The following PDXDC1 variants were observed in gnomAD, a reference collection of about 807,000 sequenced individuals.
PDXDC1 encodes pyridoxal dependent decarboxylase domain containing 1, also known as pyridoxal-dependent decarboxylase domain-containing protein 1.
In PDXDC1, 42 loss-of-function variants were observed where a neutral mutation model predicts 100.1. The observed-to-expected ratio is 0.42, with a 90% CI of 0.33 to 0.54. PDXDC1 has a LOEUF of 0.54. Ranked by LOEUF, PDXDC1 falls within the 20% of genes least tolerant of loss-of-function variation. The pLI is 0.10. For synonymous variants in PDXDC1, 260 were observed against 371.7 expected (o/e 0.70, Z 3.46); for missense variants, 636 against 979.2 (o/e 0.65, Z 4.68).
intron 1 of PDXDC1, among the ~76,000 whole-genome samples, chr16:14,981,215 T>C (rs1215006532): frequency 2.0e-5 from 3 of 152,294 alleles, no homozygotes; most frequent in African/African-American, 7.2e-5. Context: ...ACTTTACGAG[T>C]GTGCCTCATA....
At chr16:15,074,747 T>G in intron 16 of PDXDC1, 1 of 1,613,942 alleles carries the variant, frequency 6.2e-7, no homozygotes, top group Non-Finnish European at 8.5e-7. Context: ...ACATCCTTCA[T>G]GTAGGACAAA....
Position 15,110,591 on chromosome 16 carries a change from A to G in PDXDC1, c.1400-28288A>G, listed in dbSNP as rs2047004829. The G allele has an allele frequency of 1.3e-5, 20 of 1,584,054 alleles. 1 individual carries two copies. The highest frequency in any genetic ancestry group is 7.8e-5 in the South Asian group (7 of 90,246). On this transcript the variant is annotated intron_variant, in intron 16 of 16. Coordinates refer to the PDXDC1 transcript ENST00000535621. ...GGAAGAAACTCTTTTCTTTGTGTGCATACAAATGGACTTCAGCCCTTGGTG... is the reference window on the plus strand; with the variant it reads ...GGAAGAAACTCTTTTCTTTGTGTGCGTACAAATGGACTTCAGCCCTTGGTG...
At chr16:15,109,055 C>A (rs915472549) in intron 16 of PDXDC1, 2 of 127,234 alleles carry the variant, frequency 1.6e-5, no homozygotes, top group Admixed American at 8.5e-5. Flanking sequence ...TGACCATCCC[C>A]CAGAAGTAGA....
At chr16:15,132,352 AGGG>A (rs1332334802) in intron 16 of PDXDC1, among the ~76,000 whole-genome samples, 2 of 15,166 alleles carry the variant, frequency 1.3e-4, no homozygotes, top group African/African-American at 1.8e-4. Context: ...GGGCTAGGGG[AGGG>A]GGGAGGGGCA....
chr16:15,047,656 G>A (rs1388673509), intron 16 of PDXDC1: 4 of 978,124 alleles, frequency 4.1e-6, no homozygotes, highest in East Asian at 2.4e-5. Flanking sequence ...TGAATATCCT[G>A]TAGGGGAAAA....
At chr16:15,094,180 G>A (rs2046258274) in intron 16 of PDXDC1, 2 of 1,602,140 alleles carry the variant, frequency 1.2e-6, no homozygotes, top group Non-Finnish European at 1.7e-6. Context: ...TAACTGCAGA[G>A]GACGAAGCGG....
At chr16:15,082,516 C>T (rs1261140997) in intron 16 of PDXDC1, among the ~76,000 whole-genome samples, 1 of 151,958 alleles carries the variant, frequency 6.6e-6, no homozygotes, top group Admixed American at 6.6e-5. Flanking sequence ...CTACCAAAAA[C>T]ACAAAAATTA....
intron 16 of PDXDC1, chr16:15,065,180 AAT>A: frequency 6.4e-7 from 1 of 1,560,932 alleles, no homozygotes; most frequent in South Asian, 1.2e-5. Flanking sequence ...AAAAAAAAAA[AAT>A]CCACCTCCTC....
chr16:15,140,520 A>G (rs1200292202), downstream of PDXDC1, among the ~76,000 whole-genome samples: 1 of 152,046 alleles, frequency 6.6e-6, no homozygotes, highest in Non-Finnish European at 1.5e-5. Flanking sequence ...AAACTCCAAA[A>G]ACAAAAAAAG....
chr16:15,104,382 A>G, intron 16 of PDXDC1: 3 of 1,596,564 alleles, frequency 1.9e-6, no homozygotes, highest in Non-Finnish European at 1.7e-6. Flanking sequence ...TGAGGGTGGA[A>G]GGGGAGTGAG....
downstream of PDXDC1, chr16:15,041,575 C>T (rs141773371): frequency 1.1e-4 from 147 of 1,352,470 alleles, 1 homozygote; most frequent in African/African-American, 1.5e-3. Context: ...GGGGACAAAA[C>T]GGTCCTGAGA....
intron 16 of PDXDC1, chr16:15,127,951 C>A (rs1381038023): frequency 6.6e-7 from 1 of 1,512,924 alleles, no homozygotes; most frequent in Admixed American, 1.8e-5. Context: ...GACCACCCTG[C>A]CCAACCTCCC....
At chr16:15,089,504 G>A (rs115264175) in intron 16 of PDXDC1, among the ~76,000 whole-genome samples, 1 of 151,996 alleles carries the variant, frequency 6.6e-6, no homozygotes, top group African/African-American at 2.4e-5. Flanking sequence ...AAATACTAGC[G>A]ATTAAAGGAT....
At chr16:14,990,383 T>C (rs1970502206) in intron 1 of PDXDC1, among the ~76,000 whole-genome samples, 1 of 152,306 alleles carries the variant, frequency 6.6e-6, no homozygotes, top group Non-Finnish European at 1.5e-5. Context: ...GTGTTGTTTA[T>C]TAATGTTGAT....
intron 1 of PDXDC1, chr16:14,990,076 G>T (rs571803269): frequency 6.7e-7 from 1 of 1,494,758 alleles, no homozygotes; most frequent in Admixed American, 2.1e-5. Context: ...AGCAGCAGTA[G>T]GAGGCCAAGC....
intron 16 of PDXDC1, among the ~76,000 whole-genome samples, chr16:15,031,137 C>A (rs12934908): frequency 1.8e-5 from 2 of 114,212 alleles, no homozygotes; most frequent in South Asian, 2.8e-4. Context: ...TTTTTTTTTC[C>A]ATAGAGACGT....
chr16:15,035,610 T>A, intron 22 of PDXDC1, 57 bp downstream of exon 22: 2 of 991,598 alleles, frequency 2.0e-6, no homozygotes, highest in Non-Finnish European at 3.0e-6. Context: ...TGACTGTTAC[T>A]TGCGTTTGTT....
At chr16:15,055,560 A>T (rs1207076355) in intron 16 of PDXDC1, among the ~76,000 whole-genome samples, 4 of 152,206 alleles carry the variant, frequency 2.6e-5, no homozygotes, top group African/African-American at 9.6e-5. Flanking sequence ...AAACGGACCC[A>T]GCCCTATGGG....
chr16:15,025,644 C>T (rs1597607494), intron 13 of PDXDC1: 1 of 152,540 alleles, frequency 6.6e-6, no homozygotes, highest in South Asian at 2.1e-4. Context: ...TTAGCATTTC[C>T]TGTTGCGGCC....
Sources: gnomAD v4.1 joint callset for allele counts (sites outside exome capture counted in the v4.1 genomes callset) on GRCh38, gnomAD v4.1.1 for gene constraint, MANE v1.5 for transcripts, NCBI Gene and HGNC (gene_info 2026-07-23, HGNC 2026-07-21) for gene names.